PAPOLG: variants seen among roughly 807,000 people sequenced by gnomAD.
PAPOLG encodes the protein PAP-gamma.
Under a neutral mutation model 99.0 loss-of-function variants are expected in PAPOLG, and 40 were observed. The ratio of observed to expected loss-of-function variants is 0.40; its 90% CI spans 0.31 to 0.53. The LOEUF (loss-of-function observed/expected upper bound fraction) is 0.53. Among genes scored for constraint, PAPOLG ranks in the 20% least tolerant of loss-of-function variants. The pLI is 0.41. For synonymous variants in PAPOLG, 310 were observed against 299.3 expected, an observed-to-expected ratio of 1.04 and a Z score of -0.37; for missense variants, 675 against 884.1, an observed-to-expected ratio of 0.76 and a Z score of 3.00.
chr2:60,781,987 G>C lies in PAPOLG; in HGVS notation c.1009G>C (p.Val337Leu). 1.2e-6 allele frequency: 2 copies of C among 1,613,906 alleles called. No individual in the cohort carries two copies. The highest frequency in any genetic ancestry group is 1.7e-6 in the Non-Finnish European group (2 of 1,179,882). The change falls in exon 11 of 22, where the codon GTA becomes CTA. Residue 337 changes from valine (V) to leucine (L), a missense_variant. Val to Leu is a conservative substitution (Grantham distance 32). Coordinates refer to ENST00000238714, the MANE Select transcript of PAPOLG (RefSeq NM_022894.4). Reference sequence around the variant, plus strand: ...GTCCACATCAACTCGAACAGTAATGGTAGAAGAATTTAAACAAGGTAAACA... The same window carrying C: ...GTCCACATCAACTCGAACAGTAATGCTAGAAGAATTTAAACAAGGTAAACA... ...NVSTSTRTVM[V>L]EEFKQGLAVT...
rs1373756684 is a variant in PAPOLG at position 60,794,045 on chromosome 2, A to T, written c.1843A>T (p.Ile615Phe). 2 of 1,614,162 alleles carry T rather than the reference A, an allele frequency of 1.2e-6. No individual in the cohort carries two copies. Among genetic ancestry groups the T allele is most frequent in the Admixed American group, 3.3e-5 (2 of 60,024 alleles). Residue 615 changes from isoleucine to phenylalanine, a missense_variant, in exon 19 of 22, where the codon ATT becomes TTT. By Grantham distance (21) the Ile-to-Phe change is conservative. Coordinates refer to ENST00000238714, the MANE Select transcript of PAPOLG (RefSeq NM_022894.4). ...TCCTACCGTAGTAGGACGAAATGTC[A>T]TTCCTAGAATCACAACACCTCACAA... ...TIPTVVGRNVIPRITTPHNPA... is the reference protein window; with the variant it reads ...TIPTVVGRNVFPRITTPHNPA...
At chr2:60,794,317 T>C (rs1393728119) in intron 19 of PAPOLG, 126 bp downstream of exon 19, 6 of 986,262 alleles carry the variant, frequency 6.1e-6, no homozygotes, top group African/African-American at 1.7e-5. Flanking sequence ...TACCCAAATC[T>C]TAAAGAAACA....
chr2:60,773,727 G>C (rs893932671), intron 7 of PAPOLG, among the ~76,000 whole-genome samples: 6 of 150,416 alleles, frequency 4.0e-5, no homozygotes, highest in Admixed American at 2.6e-4. Context: ...GCAGTCATTA[G>C]TGACCAGTCT....
chr2:60,800,758 T>G lies in PAPOLG; in HGVS notation c.*3598T>G, dbSNP rs551633442. Reference sequence around the variant, plus strand: ...CATTTTTCTTGGGGAAAGTGCATAGTTTAGATCAGCTTCTCGAAGTGGCAA... The same window carrying G: ...CATTTTTCTTGGGGAAAGTGCATAGGTTAGATCAGCTTCTCGAAGTGGCAA... On this transcript the variant is annotated 3_prime_UTR_variant, in exon 22 of 22. Transcript: ENST00000238714. The G allele has an allele frequency of 1.2e-4, 18 of 152,310 alleles. No individual in the cohort carries two copies. The highest frequency in any genetic ancestry group is 3.9e-4 in the African/African-American group (16 of 41,538). 9.4% of individuals were successfully genotyped at this position (152,310 alleles called of 1,614,324 possible).
chr2:60,770,649 G>A, intron 6 of PAPOLG, 138 bp downstream of exon 6: 2 of 550,860 alleles, frequency 3.6e-6, no homozygotes, highest in Non-Finnish European at 6.2e-6. Flanking sequence ...GAAGAGATGG[G>A]GTCTAACTCT....
In PAPOLG at chr2:60,775,100, G is replaced by A; in HGVS notation, c.671G>A (p.Arg224Lys). The stretch of plus-strand genomic sequence containing the variant: ...AAAGAAACTTTTAGACTCACCCTAA[G>A]AGCTGTCAAATTATGGGCAAAACGT... ...PNKETFRLTL[R>K]AVKLWAKRRG... is the part of the protein sequence containing the mutation. The change falls in exon 8 of 22, where the codon AGA becomes AAA. Residue 224 changes from arginine (R) to lysine (K), a missense_variant. Coordinates refer to ENST00000238714, the MANE Select transcript of PAPOLG (RefSeq NM_022894.4). 6.2e-7 allele frequency: 1 copy of A among 1,611,320 alleles called. No homozygotes were observed. The highest frequency in any genetic ancestry group is 8.5e-7 in the Non-Finnish European group (1 of 1,179,352).
intron 3 of PAPOLG, among the ~76,000 whole-genome samples, chr2:60,765,315 T>G (rs1231690482): frequency 1.3e-5 from 2 of 149,056 alleles, no homozygotes; most frequent in African/African-American, 2.5e-5. Flanking sequence ...TGTACTCAAG[T>G]GATCCTCCTG....
In PAPOLG at chr2:60,794,326, C is replaced by A. The variant is rs1671634473; in HGVS notation, c.1989+135C>A. On this transcript the variant is annotated intron_variant, in intron 19 of 21. Coordinates refer to ENST00000238714, the MANE Select transcript of PAPOLG (RefSeq NM_022894.4). The stretch of plus-strand genomic sequence containing the variant: ...AATATTTACCCAAATCTTAAAGAAA[C>A]AATATTAATTGCTCATCCTAAATTG... 1.0e-5 allele frequency: 9 copies of A among 902,332 alleles called. No homozygotes were observed. The South Asian group carries it at 1.5e-4, about 16-fold the overall frequency. The allele number at this position is 902,332 out of a possible 1,614,324, so 55.9% of individuals were successfully genotyped here.
At chr2:60,780,827 C>T in intron 10 of PAPOLG, 48 bp downstream of exon 10, 1 of 1,421,362 alleles carries the variant, frequency 7.0e-7, no homozygotes, top group Non-Finnish European at 9.9e-7. Context: ...AGGAAGAGGA[C>T]ATTTCACTAA....
chr2:60,767,359 T>C (rs971313427), intron 3 of PAPOLG, among the ~76,000 whole-genome samples: 5 of 151,924 alleles, frequency 3.3e-5, no homozygotes, highest in East Asian at 3.9e-4. Flanking sequence ...TTTTTTTTTT[T>C]TGAGGCAAGG....
chr2:60,760,827 C>T lies in PAPOLG; in HGVS notation c.179+532C>T, dbSNP rs191352541. On this transcript the variant is annotated intron_variant, in intron 2 of 21. Transcript: ENST00000238714. ...GGTTTATTCTGAGTGAAATGAGAAG[C>T]TATTAGGGTTTTGAAAAGAAGATTG... 4.6e-5 allele frequency among the ~76,000 whole-genome samples: 7 copies of T among 152,242 alleles called. No individual in the cohort carries two copies. The East Asian group carries it at 1.3e-3, about 29-fold the overall frequency.
chr2:60,759,171 C>G (rs1007411468), intron 1 of PAPOLG, among the ~76,000 whole-genome samples: 1 of 152,148 alleles, frequency 6.6e-6, no homozygotes, highest in Non-Finnish European at 1.5e-5. Flanking sequence ...GAGTTCGAGA[C>G]CAGCCTGGCA....
intron 1 of PAPOLG, among the ~76,000 whole-genome samples, chr2:60,759,319 G>C (rs1412445193): frequency 6.6e-6 from 1 of 151,292 alleles, no homozygotes; most frequent in Non-Finnish European, 1.5e-5. Context: ...AGTGAGCTGA[G>C]ATCTCCCCAA....
intron 13 of PAPOLG, among the ~76,000 whole-genome samples, chr2:60,786,478 A>T (rs1671365583): frequency 6.6e-6 from 1 of 151,618 alleles, no homozygotes; most frequent in African/African-American, 2.4e-5. Flanking sequence ...TGATCTGTGC[A>T]CCTCAGTCTT....
rs376944778 is a variant in PAPOLG at position 60,781,893 on chromosome 2, A to G, written c.915A>G (p.Pro305=). 4.6e-5 allele frequency: 74 copies of G among 1,613,966 alleles called. No homozygotes were observed. Among genetic ancestry groups the G allele is most frequent in the Non-Finnish European group, 5.7e-5 (67 of 1,179,958 alleles). The change falls in exon 11 of 22, where the codon CCA becomes CCG. Residue 305 remains proline, a synonymous_variant. Transcript: ENST00000238714. ...TGCTTCTAATTTCACAGGTAAATCC[A>G]TCAGATAGGTATCATCTCATGCCCA... is the stretch of plus-strand genomic sequence containing the variant. ...NLPVWDPRVN[P]SDRYHLMPII... is the part of the protein sequence containing the mutation.
At chr2:60,764,748 TTTA>T (rs1216147457) in intron 3 of PAPOLG, among the ~76,000 whole-genome samples, 2 of 152,182 alleles carry the variant, frequency 1.3e-5, no homozygotes, top group African/African-American at 2.4e-5. Flanking sequence ...TTTTACAGCT[TTTA>T]TTATTTTTTT....
intron 15 of PAPOLG, among the ~76,000 whole-genome samples, chr2:60,791,107 G>T (rs1227046472): frequency 6.6e-6 from 1 of 151,968 alleles, no homozygotes; most frequent in African/African-American, 2.4e-5. Flanking sequence ...AAAAGAATTA[G>T]CTTAGACCTG....
intron 21 of PAPOLG, 82 bp from the exon 22 acceptor site, chr2:60,796,980 T>C (rs1007302855): frequency 5.8e-6 from 9 of 1,564,182 alleles, no homozygotes; most frequent in African/African-American, 1.4e-5. Flanking sequence ...ACTCCCCAAG[T>C]TTTGTGACTG....
intron 3 of PAPOLG, 91 bp downstream of exon 3, chr2:60,761,898 A>G: frequency 2.2e-6 from 2 of 914,868 alleles, no homozygotes; most frequent in South Asian, 1.5e-5. Flanking sequence ...AAGTATCTGA[A>G]ATACATCAAA....
Sources: allele counts gnomAD v4.1 joint callset (sites outside exome capture counted in the v4.1 genomes callset), GRCh38; gene constraint gnomAD v4.1.1; transcripts MANE v1.5; gene names NCBI Gene and HGNC (gene_info 2026-07-23, HGNC 2026-07-21).